The following AGMO variants were observed in gnomAD, a reference collection of about 807,000 sequenced individuals.
AGMO encodes alkylglycerol monooxygenase.
Under a neutral mutation model 60.2 loss-of-function variants are expected in AGMO, and 75 were observed. The ratio of observed to expected loss-of-function variants is 1.25; its 90% confidence interval spans 1.03 to 1.51. AGMO has a LOEUF of 1.51. AGMO is among the 40% of genes most tolerant of loss of function. AGMO has a pLI of 0.00. For synonymous variants in AGMO, 261 were observed against 177.1 expected, an observed-to-expected ratio of 1.47 and a Z score of -3.76; for missense variants, 763 against 525.5, an observed-to-expected ratio of 1.45 and a Z score of -4.42.
In AGMO at chr7:15,400,583, G is replaced by A. The variant is rs138644901; in HGVS notation, c.610-6404C>T. 3.4e-3 allele frequency among the ~76,000 whole-genome samples: 516 copies of A among 152,158 alleles called. 2 individuals are homozygous for A. Among genetic ancestry groups the A allele is most frequent in the African/African-American group, 0.012 (486 of 41,522 alleles). On this transcript the variant is annotated intron_variant, in intron 5 of 12. Transcript: ENST00000342526. ...GAATGTCGTAGGGAGTGAGTGTGGT[G>A]GTCATTACCAGGACCAAAGGCAAAG...
chr7:15,339,637 T>C (rs1781771430), intron 12 of AGMO, among the ~76,000 whole-genome samples: 1 of 152,164 alleles, frequency 6.6e-6, no homozygotes, highest in Non-Finnish European at 1.5e-5. Context: ...AAATTAAATG[T>C]ATTAAAGTTA....
rs149588356 is a variant in AGMO at position 15,391,983 on chromosome 7, A to T, written c.677-1078T>A. On this transcript the variant is annotated intron_variant, in intron 6 of 12. Transcript: ENST00000342526. ...AACCCTGATATAAGCAGGCGTGGGC[A>T]TGCGAAGATGAAGTCAGAGGAAGTA... 3.5e-4 allele frequency among the ~76,000 whole-genome samples: 53 copies of T among 152,330 alleles called. No homozygotes were observed. The East Asian group carries it at 7.9e-3, about 23-fold the overall frequency.
chr7:15,357,572 T>G (rs989897039), intron 12 of AGMO, among the ~76,000 whole-genome samples: 1 of 152,206 alleles, frequency 6.6e-6, no homozygotes, highest in Admixed American at 6.5e-5. Context: ...CAATGGAATG[T>G]AGCAGAAATA....
chr7:15,126,875 A>G, the AGMO span, among the ~76,000 whole-genome samples: 9 of 152,092 alleles, frequency 5.9e-5, no homozygotes, highest in African/African-American at 2.2e-4. Flanking sequence ...GATAAGAAAC[A>G]TTTTACAACC....
intron 12 of AGMO, among the ~76,000 whole-genome samples, chr7:15,207,703 G>A (rs1781475017): frequency 6.6e-6 from 1 of 152,214 alleles, no homozygotes; most frequent in Non-Finnish European, 1.5e-5. Context: ...GGGAGACCAA[G>A]GTGGGCAGAT....
At chr7:15,535,089 C>T (rs1401787528) in intron 3 of AGMO, among the ~76,000 whole-genome samples, 1 of 151,824 alleles carries the variant, frequency 6.6e-6, no homozygotes, top group African/African-American at 2.4e-5. Flanking sequence ...AAAGAAGTGG[C>T]ATAACTTGCT....
At chr7:15,251,308 G>T (rs1782930177) in intron 12 of AGMO, among the ~76,000 whole-genome samples, 1 of 151,934 alleles carries the variant, frequency 6.6e-6, no homozygotes, top group Admixed American at 6.6e-5. Flanking sequence ...GAGACTGAGG[G>T]GTCTATAACA....
intron 12 of AGMO, among the ~76,000 whole-genome samples, chr7:15,268,478 T>G (rs1332768908): frequency 6.6e-6 from 1 of 152,062 alleles, no homozygotes; most frequent in Non-Finnish European, 1.5e-5. Flanking sequence ...AATGTATGCA[T>G]GCATTCCATA....
chr7:15,260,508 A>G (rs1471644128), intron 12 of AGMO, among the ~76,000 whole-genome samples: 5 of 152,104 alleles, frequency 3.3e-5, no homozygotes, highest in Admixed American at 3.3e-4. Context: ...GAGGTCCCAA[A>G]TTTATAAAAC....
chr7:15,389,226 T>A (rs1784042767), intron 8 of AGMO, among the ~76,000 whole-genome samples: 1 of 152,136 alleles, frequency 6.6e-6, no homozygotes, highest in Non-Finnish European at 1.5e-5. Flanking sequence ...CTGAACAGAA[T>A]CTGCATTTTA....
chr7:15,443,239 A>G (rs1223624979), intron 3 of AGMO, among the ~76,000 whole-genome samples: 1 of 152,160 alleles, frequency 6.6e-6, no homozygotes, highest in Non-Finnish European at 1.5e-5. Flanking sequence ...CGGCAAAACT[A>G]AAAGGGCACA....
intron 3 of AGMO, among the ~76,000 whole-genome samples, chr7:15,529,244 G>A (rs1285173263): frequency 6.6e-6 from 1 of 151,536 alleles, no homozygotes; most frequent in Non-Finnish European, 1.5e-5. Context: ...TAGTACTGGG[G>A]TGGTTATATT....
intron 12 of AGMO, among the ~76,000 whole-genome samples, chr7:15,339,636 G>GT (rs1317149880): frequency 5.3e-5 from 8 of 152,256 alleles, no homozygotes; most frequent in Admixed American, 2.0e-4. Flanking sequence ...GAAATTAAAT[G>GT]TATTAAAGTT....
At chr7:15,212,935 G>C (rs1017535930) in intron 12 of AGMO, among the ~76,000 whole-genome samples, 1 of 151,874 alleles carries the variant, frequency 6.6e-6, no homozygotes, top group Non-Finnish European at 1.5e-5. Flanking sequence ...ATCAACAAAC[G>C]TCAGTAGTTT....
At chr7:15,302,963 C>T (rs1583383570) in intron 12 of AGMO, among the ~76,000 whole-genome samples, 2 of 152,082 alleles carry the variant, frequency 1.3e-5, no homozygotes, top group East Asian at 3.9e-4. Context: ...TACAAAACCA[C>T]TGCAAACTTG....
At chr7:15,307,292 A>C (rs2128529527) in intron 12 of AGMO, among the ~76,000 whole-genome samples, 1 of 152,156 alleles carries the variant, frequency 6.6e-6, no homozygotes, top group South Asian at 2.1e-4. Context: ...AAGCCCATCT[A>C]TTTGGAAGAA....
intron 12 of AGMO, among the ~76,000 whole-genome samples, chr7:15,230,017 T>C (rs991514330): frequency 1.3e-5 from 2 of 151,772 alleles, no homozygotes; most frequent in Non-Finnish European, 2.9e-5. Flanking sequence ...TTATAATTTA[T>C]ACAATTTACA....
intron 2 of AGMO, among the ~76,000 whole-genome samples, chr7:15,548,272 A>G (rs1235221952): frequency 2.0e-5 from 3 of 152,132 alleles, no homozygotes; most frequent in Admixed American, 6.5e-5. Context: ...TCCTCCTCCA[A>G]AGGAACGCAG....
In AGMO at chr7:15,561,822, C is replaced by T. The variant is rs1334379795; in HGVS notation, c.24G>A (p.Gln8=). 3 of 1,608,598 alleles carry T rather than the reference C, an allele frequency of 1.9e-6. No individual in the cohort carries two copies. Among genetic ancestry groups the T allele is most frequent in the Admixed American group, 1.7e-5 (1 of 59,480 alleles). The part of the protein sequence containing the change: MKNPEAQ[Q]DVSVSQGFRM... ...GAAATCCCTGGGAAACTGAAACATC[C>T]TGCTGGGCTTCTGGGTTCTTCATTT... The change falls in exon 1 of 13, where the codon CAG becomes CAA. Residue 8 remains glutamine (Q), a synonymous_variant. Transcript: ENST00000342526.
Sources: gnomAD v4.1 joint callset for allele counts (sites outside exome capture counted in the v4.1 genomes callset) on GRCh38, gnomAD v4.1.1 for gene constraint, MANE v1.5 for transcripts, NCBI Gene and HGNC (gene_info 2026-07-23, HGNC 2026-07-21) for gene names.